SLC9A9: variants seen among roughly 807,000 people sequenced by gnomAD.
The protein encoded by SLC9A9 is sodium/hydrogen exchanger 9.
A neutral mutation model predicts 77.8 loss-of-function variants in SLC9A9; 62 were observed. The observed-to-expected ratio is 0.80, with a 90% CI of 0.65 to 0.98. SLC9A9 has a LOEUF of 0.98. Ranked by LOEUF, SLC9A9 falls within the 50% of genes least tolerant of loss-of-function variation. The pLI is 0.00. For missense variants in SLC9A9, 775 were observed against 774.9 expected (o/e 1.00, Z 0.00); for synonymous variants, 320 against 283.5 (o/e 1.13, Z -1.29).
chr3:143,626,175 A>T (rs930240394), intron 6 of SLC9A9, among the ~76,000 whole-genome samples: 3 of 152,240 alleles, frequency 2.0e-5, no homozygotes, highest in Admixed American at 6.5e-5. Context: ...GTGGGACTGT[A>T]AACTAGTTCA....
At chr3:143,838,368 C>A (rs568393756) in intron 1 of SLC9A9, among the ~76,000 whole-genome samples, 10 of 152,196 alleles carry the variant, frequency 6.6e-5, no homozygotes, top group African/African-American at 2.4e-4. Context: ...GCAGTGCAGG[C>A]AAAGGGCTTT....
rs73007442 is a variant in SLC9A9, at chr3:143,672,791, C to A, written c.649+20401G>T. Reference sequence around the variant, plus strand: ...ATCACCATTATTTATGCAGATGTTCCCACATAAGTCTTTGAAAAGGCATTT... The same window carrying A: ...ATCACCATTATTTATGCAGATGTTCACACATAAGTCTTTGAAAAGGCATTT... On this transcript the variant is annotated intron_variant, in intron 5 of 15. Transcript: ENST00000316549. 8.8e-3 allele frequency among the ~76,000 whole-genome samples: 1,339 copies of A among 152,120 alleles called. 27 individuals carry two copies. The highest frequency in any genetic ancestry group is 0.031 in the African/African-American group (1,277 of 41,486).
intron 4 of SLC9A9, among the ~76,000 whole-genome samples, chr3:143,759,981 T>C (rs938142101): frequency 1.3e-5 from 2 of 152,128 alleles, no homozygotes; most frequent in African/African-American, 4.8e-5. Context: ...TTATTGTGAA[T>C]ATTCATGAGC....
chr3:143,706,166 C>A (rs1372750895), intron 4 of SLC9A9, among the ~76,000 whole-genome samples: 2 of 152,166 alleles, frequency 1.3e-5, no homozygotes, highest in African/African-American at 4.8e-5. Context: ...TAGGTGGTTT[C>A]TTTAAATAGT....
intron 9 of SLC9A9, among the ~76,000 whole-genome samples, chr3:143,532,201 C>G (rs904044174): frequency 6.6e-6 from 1 of 152,192 alleles, no homozygotes; most frequent in African/African-American, 2.4e-5. Flanking sequence ...TGTTTAACAA[C>G]TGGCTCTCTG....
At chr3:143,721,282 A>G (rs1189656827) in intron 4 of SLC9A9, among the ~76,000 whole-genome samples, 3 of 152,096 alleles carry the variant, frequency 2.0e-5, no homozygotes, top group African/African-American at 7.2e-5. Context: ...TCCCCCTGAC[A>G]TCTCCTAACT....
chr3:143,809,746 A>G (rs2008814970), intron 2 of SLC9A9, among the ~76,000 whole-genome samples: 1 of 152,250 alleles, frequency 6.6e-6, no homozygotes, highest in Admixed American at 6.5e-5. Flanking sequence ...ACTGCCTAAT[A>G]GAACTTTTTG....
At chr3:143,731,575 C>A (rs775112490) in intron 4 of SLC9A9, among the ~76,000 whole-genome samples, 2 of 152,198 alleles carry the variant, frequency 1.3e-5, no homozygotes, top group African/African-American at 2.4e-5. Context: ...TGGCTGTACC[C>A]ATCCCTTTCT....
At chr3:143,687,784 A>C (rs1933319930) in intron 5 of SLC9A9, among the ~76,000 whole-genome samples, 1 of 152,046 alleles carries the variant, frequency 6.6e-6, no homozygotes, top group South Asian at 2.1e-4. Flanking sequence ...GCTATCTTCT[A>C]CTTCCAATAA....
In SLC9A9 at chr3:143,458,353, T is replaced by G. The variant is rs929984796; in HGVS notation, c.1469+8684A>C. ...AAGTGTGTTTCTTATAGACAGCATA[T>G]AGCTGAGTCTTGTTTTTAATCTGCC... On this transcript the variant is annotated intron_variant, in intron 12 of 15. Transcript: ENST00000316549. 2.6e-5 allele frequency among the ~76,000 whole-genome samples: 4 copies of G among 152,136 alleles called. No individual in the cohort carries two copies. The East Asian group carries it at 7.7e-4, about 29-fold the overall frequency.
At chr3:143,831,171 C>T (rs1441146677) in intron 2 of SLC9A9, among the ~76,000 whole-genome samples, 5 of 151,802 alleles carry the variant, frequency 3.3e-5, no homozygotes, top group African/African-American at 9.7e-5. Context: ...AAAAGTGAAA[C>T]AATGGACTTC....
In SLC9A9 at chr3:143,385,120, C is replaced by T. The variant is rs954571955; in HGVS notation, c.1470-3006G>A. 2.5e-4 allele frequency among the ~76,000 whole-genome samples: 38 copies of T among 152,024 alleles called. 1 individual carries two copies. The highest frequency in any genetic ancestry group is 2.2e-3 in the Admixed American group (34 of 15,282). On this transcript the variant is annotated intron_variant, in intron 12 of 15. Coordinates refer to ENST00000316549, the MANE Select transcript of SLC9A9 (RefSeq NM_173653.4). ...AGGTGTATGAACCTTTTTATGATCA[C>T]GTTAAATGGTCCCTGACTACTGTCT...
At chr3:143,296,621 G>C (rs1670420879) in intron 14 of SLC9A9, among the ~76,000 whole-genome samples, 1 of 152,074 alleles carries the variant, frequency 6.6e-6, no homozygotes, top group Non-Finnish European at 1.5e-5. Flanking sequence ...GTTTTCCATA[G>C]CATCCGCACC....
At chr3:143,654,284 A>G (rs1410180282) in intron 5 of SLC9A9, among the ~76,000 whole-genome samples, 1 of 152,226 alleles carries the variant, frequency 6.6e-6, no homozygotes, top group African/African-American at 2.4e-5. Flanking sequence ...GTTTTTAAAG[A>G]AGTTACTGCA....
At chr3:143,677,242 AT>A (rs764888783) in intron 5 of SLC9A9, among the ~76,000 whole-genome samples, 5 of 152,002 alleles carry the variant, frequency 3.3e-5, no homozygotes, top group Admixed American at 6.5e-5. Context: ...ACACACAGAT[AT>A]GCATGGGGGT....
intron 1 of SLC9A9, among the ~76,000 whole-genome samples, chr3:143,833,001 CA>C (rs1276941740): frequency 1.3e-5 from 2 of 152,144 alleles, no homozygotes; most frequent in Non-Finnish European, 2.9e-5. Flanking sequence ...TTTTCATAAA[CA>C]ATTCAACCTA....
At chr3:143,409,110 G>A (rs1255144801) in intron 12 of SLC9A9, among the ~76,000 whole-genome samples, 4 of 152,310 alleles carry the variant, frequency 2.6e-5, no homozygotes, top group South Asian at 2.1e-4. Flanking sequence ...TTTTCCTGGA[G>A]CATGAATTGG....
intron 9 of SLC9A9, among the ~76,000 whole-genome samples, chr3:143,524,555 AT>A (rs939505491): frequency 5.9e-5 from 9 of 152,100 alleles, no homozygotes; most frequent in African/African-American, 9.7e-5. Context: ...GCTTATGCAT[AT>A]TTTTTTGAAA....
intron 6 of SLC9A9, among the ~76,000 whole-genome samples, chr3:143,606,895 A>AT (rs958682284): frequency 3.3e-5 from 5 of 151,958 alleles, no homozygotes; most frequent in African/African-American, 7.2e-5. Context: ...ATTCTAAGAA[A>AT]TTTTTTTTGT....
Sources: gnomAD v4.1 joint callset for allele counts (sites outside exome capture counted in the v4.1 genomes callset) on GRCh38, gnomAD v4.1.1 for gene constraint, MANE v1.5 for transcripts, NCBI Gene and HGNC (gene_info 2026-07-23, HGNC 2026-07-21) for gene names.